The following SATB2 variants were observed in gnomAD, a reference collection of about 807,000 sequenced individuals.
SATB2 encodes SATB homeobox 2.
Under a neutral mutation model 73.4 loss-of-function variants are expected in SATB2, and 1 was observed. The observed-to-expected ratio is 0.01, with a 90% CI of 0.00 to 0.06. The LOEUF is 0.06. Among genes scored for constraint, SATB2 ranks in the 10% least tolerant of loss-of-function variants. The pLI is 1.00. For missense variants in SATB2, 459 were observed against 945.8 expected (o/e 0.49, Z 6.75); for synonymous variants, 397 against 367.0 (o/e 1.08, Z -0.93).
intron 9 of SATB2, among the ~76,000 whole-genome samples, chr2:199,320,997 T>A (rs1687868144): frequency 6.6e-6 from 1 of 152,132 alleles, no homozygotes; most frequent in South Asian, 2.1e-4. Flanking sequence ...ATTGTTTCCC[T>A]AATTTCACCT....
intron 7 of SATB2, chr2:199,348,422 A>C: frequency 4.8e-6 from 2 of 412,976 alleles, no homozygotes; most frequent in South Asian, 5.1e-5. Context: ...GGAGAGGATG[A>C]GAGAGTACAT....
Position 199,380,268 on chromosome 2 carries a change from A to T in SATB2, c.597+96T>A, listed in dbSNP as rs576041713. The T allele has an allele frequency of 1.0e-4, 149 of 1,449,828 alleles. No individual in the cohort carries two copies. The East Asian group carries it at 3.3e-3, about 32-fold the overall frequency. 89.8% of individuals were successfully genotyped at this position (1,449,828 alleles called of 1,614,324 possible). On this transcript the variant is annotated intron_variant, in intron 5 of 10. Coordinates refer to ENST00000417098, the MANE Select transcript of SATB2 (RefSeq NM_001172509.2). The stretch of plus-strand genomic sequence containing the variant: ...TGCAGTTTAAGTCTATAAATAAAAG[A>T]CAGAGAAGACAGTTGTTTAAGCAGA...
At chr2:199,341,618 A>G (rs1193142509) in intron 7 of SATB2, among the ~76,000 whole-genome samples, 1 of 152,232 alleles carries the variant, frequency 6.6e-6, no homozygotes, top group Admixed American at 6.5e-5. Context: ...TAGGGGGCAT[A>G]GGTTTTAAAC....
At chr2:199,458,546 G>A (rs1252642889), upstream of SATB2, 6 of 354,936 alleles carry the variant, frequency 1.7e-5, no homozygotes, top group Non-Finnish European at 2.7e-5. Flanking sequence ...CCTTGTGGCG[G>A]GTCCAGGGCG....
intron 10 of SATB2, among the ~76,000 whole-genome samples, chr2:199,287,169 A>C (rs1202003537): frequency 6.6e-6 from 1 of 152,194 alleles, no homozygotes; most frequent in Non-Finnish European, 1.5e-5. Flanking sequence ...AATGTGACCC[A>C]AATGAAAATA....
At chr2:199,274,330 T>G (rs1207680834) in intron 10 of SATB2, among the ~76,000 whole-genome samples, 2 of 152,016 alleles carry the variant, frequency 1.3e-5, no homozygotes, top group Middle Eastern at 3.4e-3. Context: ...CTTTTAGCTA[T>G]GAAACATCAG....
intron 3 of SATB2, among the ~76,000 whole-genome samples, chr2:199,400,191 C>G (rs770835926): frequency 6.6e-6 from 1 of 152,174 alleles, no homozygotes; most frequent in Non-Finnish European, 1.5e-5. Flanking sequence ...AAAAACTATA[C>G]AATTCATGTG....
intron 3 of SATB2, among the ~76,000 whole-genome samples, chr2:199,418,238 G>A (rs1409653707): frequency 6.6e-6 from 1 of 152,196 alleles, no homozygotes; most frequent in Non-Finnish European, 1.5e-5. Flanking sequence ...GCAGAGCTGG[G>A]AAGTGGGGAG....
At chr2:199,412,160 C>A (rs1312387509) in intron 3 of SATB2, among the ~76,000 whole-genome samples, 1 of 152,096 alleles carries the variant, frequency 6.6e-6, no homozygotes, top group East Asian at 1.9e-4. Flanking sequence ...GAGTGTGAAG[C>A]TATTTGAAGC....
At chr2:199,384,846 A>G (rs1256884602) in intron 3 of SATB2, among the ~76,000 whole-genome samples, 1 of 152,248 alleles carries the variant, frequency 6.6e-6, no homozygotes, top group East Asian at 1.9e-4. Flanking sequence ...AATATAATTT[A>G]ATCTCAAAAA....
intron 3 of SATB2, 107 bp downstream of exon 3, chr2:199,433,231 G>T: frequency 8.6e-7 from 1 of 1,157,954 alleles, no homozygotes; most frequent in Non-Finnish European, 1.2e-6. Context: ...TGCTAAATCT[G>T]ACAATTCTCC....
chr2:199,393,067 C>G (rs1359088081), intron 3 of SATB2, among the ~76,000 whole-genome samples: 1 of 152,108 alleles, frequency 6.6e-6, no homozygotes, highest in African/African-American at 2.4e-5. Flanking sequence ...CTCTTTGAAC[C>G]TCCATTTTGC....
In SATB2 at chr2:199,304,903, T is replaced by C. The variant is rs549775671; in HGVS notation, c.1740+3857A>G. 2.6e-5 allele frequency among the ~76,000 whole-genome samples: 4 copies of C among 152,316 alleles called. No individual in the cohort carries two copies. In the South Asian group the frequency reaches 8.3e-4, roughly 32 times the overall value. On this transcript the variant is annotated intron_variant, in intron 10 of 10. Transcript: ENST00000417098. ...TGGTGAGTCTCTGGGGCTGACAATG[T>C]CCCTCAATGGTTCAGGCCCAGCGTG... is the stretch of plus-strand genomic sequence containing the variant.
At chr2:199,450,378 T>C (rs1379698197) in intron 2 of SATB2, among the ~76,000 whole-genome samples, 1 of 152,130 alleles carries the variant, frequency 6.6e-6, no homozygotes. Context: ...TGTATCTCAG[T>C]ATTCATGTAA....
chr2:199,448,064 A>G (rs1445860283), intron 2 of SATB2, among the ~76,000 whole-genome samples: 1 of 152,186 alleles, frequency 6.6e-6, no homozygotes, highest in East Asian at 1.9e-4. Context: ...GACATTTATC[A>G]TGCTGCTCTG....
intron 3 of SATB2, among the ~76,000 whole-genome samples, chr2:199,415,934 C>T (rs1690965456): frequency 6.6e-6 from 1 of 152,240 alleles, no homozygotes; most frequent in African/African-American, 2.4e-5. Context: ...CCCACCAAGC[C>T]TGTGTGCCAA....
chr2:199,363,319 A>G (rs1689191750), intron 6 of SATB2, among the ~76,000 whole-genome samples: 1 of 152,220 alleles, frequency 6.6e-6, no homozygotes, highest in Non-Finnish European at 1.5e-5. Context: ...TGATGTTTCT[A>G]TTTCTATGAA....
At chr2:199,401,738 G>A (rs1260324906) in intron 3 of SATB2, among the ~76,000 whole-genome samples, 2 of 152,040 alleles carry the variant, frequency 1.3e-5, no homozygotes. Flanking sequence ...GTCTGGGCAG[G>A]GCTGAGAAAT....
At chr2:199,365,185 T>C (rs1258174712) in intron 6 of SATB2, among the ~76,000 whole-genome samples, 1 of 152,090 alleles carries the variant, frequency 6.6e-6, no homozygotes, top group Non-Finnish European at 1.5e-5. Context: ...TTAATATTGG[T>C]CTTTTTTCTT....
Sources: gnomAD v4.1 joint callset for allele counts (sites outside exome capture counted in the v4.1 genomes callset) on GRCh38, gnomAD v4.1.1 for gene constraint, MANE v1.5 for transcripts, NCBI Gene and HGNC (gene_info 2026-07-23, HGNC 2026-07-21) for gene names.